The following CRIP2 variants were observed in gnomAD, a reference collection of about 807,000 sequenced individuals.
CRIP2 encodes cysteine rich protein 2, also known as cysteine-rich protein 2.
Under a neutral mutation model 31.3 loss-of-function variants are expected in CRIP2, and 31 were observed. The observed-to-expected ratio is 0.99, with a 90% CI of 0.74 to 1.34. The LOEUF (loss-of-function observed/expected upper bound fraction) is 1.34. CRIP2 is among the 40% of genes most tolerant of loss of function. The pLI is 0.00. For synonymous variants in CRIP2, 177 were observed against 127.2 expected, an observed-to-expected ratio of 1.39 and a Z score of -2.63; for missense variants, 389 against 301.6, an observed-to-expected ratio of 1.29 and a Z score of -2.15.
rs1253353846 is a variant in CRIP2, at chr14:105,478,710, C to G, written c.197-21C>G. On this transcript the variant is annotated intron_variant, in intron 3 of 7. Transcript: ENST00000329146. This position sits in a 1 kb window ranked among gnomAD's most constrained non-coding sequence, Gnocchi z 4.9. Reference sequence around the variant, plus strand: ...CGGCCCCCACCCCACGTACCCCCGCCCCACGTACCCCCACCCGCAGGCGTG... The same window carrying G: ...CGGCCCCCACCCCACGTACCCCCGCGCCACGTACCCCCACCCGCAGGCGTG... 1 of 1,436,468 alleles carries G rather than the reference C, an allele frequency of 7.0e-7. No homozygotes were observed. Among genetic ancestry groups the G allele is most frequent in the Non-Finnish European group, 9.1e-7 (1 of 1,099,394 alleles). 89.0% of individuals were successfully genotyped at this position (1,436,468 alleles called of 1,614,324 possible).
In CRIP2 at chr14:105,478,948, C is replaced by G. The variant is rs782066796; in HGVS notation, c.338-31C>G. On this transcript the variant is annotated intron_variant, in intron 4 of 7. Transcript: ENST00000329146. This position sits in a 1 kb window ranked among gnomAD's most constrained non-coding sequence, Gnocchi z 4.9. ...GCTGGGGGTTGTGGGCACCCCCGGC[C>G]CCGCCCCGCCCTGACTCGTGCGCCC... 1.4e-4 allele frequency: 218 copies of G among 1,539,524 alleles called. No individual in the cohort carries two copies. The highest frequency in any genetic ancestry group is 1.8e-4 in the Non-Finnish European group (208 of 1,148,334).
upstream of CRIP2, chr14:105,473,448 C>G: frequency 1.3e-6 from 2 of 1,535,724 alleles, no homozygotes. Context: ...ACCATGAAAG[C>G]CAGGAGCACC....
intron 5 of CRIP2, 24 bp downstream of exon 5, chr14:105,479,071 A>G (rs1281885215): frequency 7.8e-5 from 119 of 1,519,194 alleles, no homozygotes; most frequent in Non-Finnish European, 9.9e-5. Context: ...CGGGCCCCGG[A>G]CCCCCGCCCC....
chr14:105,474,359 C>T (rs1452744378), upstream of CRIP2: 1 of 151,154 alleles, frequency 6.6e-6, no homozygotes, highest in Non-Finnish European at 1.5e-5. The surrounding 1 kb of genome is among the most constrained non-coding windows in gnomAD (Gnocchi z 5.1). Flanking sequence ...GCGCCGCGCG[C>T]GGCGGGGTGG....
upstream of CRIP2, chr14:105,473,327 C>T (rs782328647): frequency 2.7e-3 from 130 of 48,910 alleles, no homozygotes; most frequent in East Asian, 0.041. Flanking sequence ...GTCAGTCGGG[C>T]GGGGGGGCGG....
Position 105,478,268 on chromosome 14 carries a change from G to T in CRIP2, c.46G>T (p.Glu16Ter). 2 of 1,552,140 alleles carry T rather than the reference G, an allele frequency of 1.3e-6. No homozygotes were observed. The highest frequency in any genetic ancestry group is 2.5e-5 in the East Asian group (1 of 40,606). The change falls in exon 2 of 8, where the codon GAG becomes TAG. Residue 16 changes from glutamate to a stop codon, truncating the protein, a stop_gained and splice_region_variant. Coordinates refer to ENST00000329146, the MANE Select transcript of CRIP2 (RefSeq NM_001312.4). LOFTEE classifies it high-confidence loss of function. This position sits in a 1 kb window ranked among gnomAD's most constrained non-coding sequence, Gnocchi z 4.9. ...CCCCTGCCGCCCCTCCCGCTCAGCC[G>T]AGAAGGTGAGCTCCCTGGGGAAGGA... is the stretch of plus-strand genomic sequence containing the variant. ...PKCDKTVYFAEKVSSLGKDWH... is the reference protein window; with the variant it reads ...PKCDKTVYFA
In CRIP2 at chr14:105,478,366, C is replaced by A; in HGVS notation, c.138+6C>A. On this transcript the variant is annotated splice_donor_region_variant and intron_variant, in intron 2 of 7. Transcript: ENST00000329146. The surrounding 1 kb of genome is among the most constrained non-coding windows in gnomAD (Gnocchi z 4.9). ...CGCCCGGGGGCCACGCCGAGGTGAG[C>A]CCCACTGCGCGGCGCGGGCGGGGGC... 6.4e-7 allele frequency: 1 copy of A among 1,572,998 alleles called. No individual in the cohort carries two copies. Among genetic ancestry groups the A allele is most frequent in the East Asian group, 2.3e-5 (1 of 43,234 alleles).
chr14:105,477,528 C>G (rs587636866), intron 1 of CRIP2: 2 of 984,370 alleles, frequency 2.0e-6, no homozygotes, highest in African/African-American at 3.5e-5. Context: ...TGGTGGGGAT[C>G]AGGGGCGTGT....
chr14:105,479,621 G>C lies in CRIP2; in HGVS notation c.595G>C (p.Asp199His), dbSNP rs587747584. Residue 199 changes from aspartate (D) to histidine (H), a missense_variant, in exon 8 of 8, where the codon GAC becomes CAC. Physicochemically the swap from Asp to His is moderately conservative, Grantham distance 81 (BLOSUM62 -1). Transcript: ENST00000329146. Reference sequence around the variant, plus strand: ...CGGTGCGGTGGGCAGCTACATCTATGACCGGGACCCCGAAGGCAAGGTCCA... The same window carrying C: ...CGGTGCGGTGGGCAGCTACATCTATCACCGGGACCCCGAAGGCAAGGTCCA... Reference protein sequence around the residue: ...NTGAVGSYIYDRDPEGKVQP With the variant: ...NTGAVGSYIYHRDPEGKVQP The C allele has an allele frequency of 2.0e-5, 32 of 1,612,680 alleles. 1 individual carries two copies. The South Asian group carries it at 3.2e-4, about 16-fold the overall frequency.
chr14:105,478,414 C>A lies in CRIP2; in HGVS notation c.139-36C>A. ...GGCGGGGGTCGCGACTCCCGCCACC[C>A]TCAGGCAGGGTCCTGACCCGCGCCC... On this transcript the variant is annotated intron_variant, in intron 2 of 7. Coordinates refer to ENST00000329146, the MANE Select transcript of CRIP2 (RefSeq NM_001312.4). This position sits in a 1 kb window ranked among gnomAD's most constrained non-coding sequence, Gnocchi z 4.9. The A allele has an allele frequency of 6.3e-7, 1 of 1,591,128 alleles. No individual in the cohort carries two copies. Among genetic ancestry groups the A allele is most frequent in the East Asian group, 2.3e-5 (1 of 43,962 alleles).
rs782625180 is a variant in CRIP2, at chr14:105,478,376, CGGCGCG to C, written c.138+21_138+26del. 39 of 1,570,410 alleles carry C rather than the reference CGGCGCG, an allele frequency of 2.5e-5. No individual in the cohort carries two copies. The Admixed American group carries it at 3.8e-4, about 15-fold the overall frequency. On this transcript the variant is annotated intron_variant, in intron 2 of 7. Transcript: ENST00000329146. This position sits in a 1 kb window ranked among gnomAD's most constrained non-coding sequence, Gnocchi z 4.9. ...CCACGCCGAGGTGAGCCCCACTGCG[CGGCGCG>C]GGCGGGGGCGGGGGTCGCGACTCCC... is the stretch of plus-strand genomic sequence containing the variant.
At chr14:105,475,922 T>C (rs782354227) in intron 1 of CRIP2, 11 of 985,386 alleles carry the variant, frequency 1.1e-5, no homozygotes, top group Non-Finnish European at 1.3e-5. Flanking sequence ...ATACCCAGAA[T>C]GCGGCCAGGC....
At chr14:105,473,841 C>A (rs1210963456), upstream of CRIP2, among the ~76,000 whole-genome samples, 1 of 152,120 alleles carries the variant, frequency 6.6e-6, no homozygotes, top group Admixed American at 6.5e-5. Context: ...CCTCAATCTC[C>A]CGCCTGACCC....
chr14:105,479,510 T>A lies in CRIP2; in HGVS notation c.559+17T>A. ...GACCCAAGGGTGAGTGTAGCCAGGG[T>A]GGTCCACGATGTCTTCCCTGCCCTC... On this transcript the variant is annotated intron_variant, in intron 7 of 7. Transcript: ENST00000329146. 1 of 1,612,724 alleles carries A rather than the reference T, an allele frequency of 6.2e-7. No individual in the cohort carries two copies. The highest frequency in any genetic ancestry group is 8.5e-7 in the Non-Finnish European group (1 of 1,179,890).
In CRIP2 at chr14:105,474,895, C is replaced by T. The variant is rs587720379; in HGVS notation, c.33C>T (p.Thr11=). The stretch of plus-strand genomic sequence containing the variant: ...CCAAATGCCCCAAGTGCGACAAGAC[C>T]GTGTACTTCGGTGAGTGCGTGCCCG... The part of the protein sequence containing the change: MASKCPKCDK[T]VYFAEKVSSL... Residue 11 remains threonine, a synonymous_variant, in exon 1 of 8, where the codon ACC becomes ACT. Coordinates refer to ENST00000329146, the MANE Select transcript of CRIP2 (RefSeq NM_001312.4). The surrounding 1 kb of genome is among the most constrained non-coding windows in gnomAD (Gnocchi z 5.1). 5.9e-6 allele frequency: 9 copies of T among 1,521,638 alleles called. No individual in the cohort carries two copies. In the African/African-American group the frequency reaches 1.2e-4, roughly 19 times the overall value. The allele number at this position is 1,521,638 out of a possible 1,614,324, so 94.3% of individuals were successfully genotyped here. A position where few individuals can be genotyped will look rare whatever the true frequency, so the allele number is the denominator to read the frequency against.
upstream of CRIP2, chr14:105,473,331 G>C (rs1555435134): frequency 8.8e-7 from 1 of 1,137,700 alleles, no homozygotes; most frequent in Admixed American, 2.1e-5. Context: ...GTCGGGCGGG[G>C]GGGCGGGGGG....
At chr14:105,476,006 G>C in intron 1 of CRIP2, 1 of 985,470 alleles carries the variant, frequency 1.0e-6, no homozygotes, top group Non-Finnish European at 1.2e-6. Context: ...TATTTTGCCC[G>C]TCCCAGAGGG....
In CRIP2 at chr14:105,479,435, G is replaced by C. The variant is rs370640751; in HGVS notation, c.502-1G>C. ...CCCTCAGCACCCACCTTCTGCCCCA[G>C]CACGACGGCCAGCCCTACTGCCACA... On this transcript the variant is annotated splice_acceptor_variant, in intron 6 of 7. Transcript: ENST00000329146. LOFTEE classifies it high-confidence loss of function. The C allele has an allele frequency of 4.3e-6, 7 of 1,612,752 alleles. No individual in the cohort carries two copies. The highest frequency in any genetic ancestry group is 3.4e-6 in the Non-Finnish European group (4 of 1,179,950).
At chr14:105,475,764 C>A (rs921903052) in intron 1 of CRIP2, 4 of 954,200 alleles carry the variant, frequency 4.2e-6, no homozygotes, top group Middle Eastern at 5.3e-4. Flanking sequence ...CTTCCTACCC[C>A]CTTCCTCCTG....
Sources: gnomAD v4.1 joint callset for allele counts (sites outside exome capture counted in the v4.1 genomes callset) on GRCh38, gnomAD v4.1.1 for gene constraint, Gnocchi (gnomAD v3.1) non-coding constraint, MANE v1.5 for transcripts, NCBI Gene and HGNC (gene_info 2026-07-23, HGNC 2026-07-21) for gene names.